ATF1: variants seen among roughly 807,000 people sequenced by gnomAD.
ATF1 encodes the protein activating transcription factor 1, also known as cyclic AMP-dependent transcription factor ATF-1.
A neutral mutation model predicts 34.7 loss-of-function variants in ATF1; 16 were observed. The observed-to-expected ratio is 0.46, with a 90% CI of 0.31 to 0.70. The LOEUF (loss-of-function observed/expected upper bound fraction) is 0.70. Ranked by LOEUF, ATF1 falls within the 30% of genes least tolerant of loss-of-function variation. The pLI, the probability that ATF1 is intolerant of heterozygous loss-of-function variation, is 0.05. For missense variants in ATF1, 255 were observed against 321.6 expected, an observed-to-expected ratio of 0.79 and a Z score of 1.58; for synonymous variants, 105 against 113.1, an observed-to-expected ratio of 0.93 and a Z score of 0.46.
At chr12:50,810,693 C>T (rs777944641) in intron 4 of ATF1, among the ~76,000 whole-genome samples, 62 of 152,140 alleles carry the variant, frequency 4.1e-4, no homozygotes, top group Non-Finnish European at 7.6e-4. Flanking sequence ...TTGTTATCTC[C>T]CCCTCCACTC....
At chr12:50,774,497 A>C (rs1459281538) in intron 1 of ATF1, among the ~76,000 whole-genome samples, 1 of 152,114 alleles carries the variant, frequency 6.6e-6, no homozygotes, top group African/African-American at 2.4e-5. Context: ...TCTCCTGTTA[A>C]GCTTATATAT....
chr12:50,784,336 G>A (rs1036132997), intron 2 of ATF1, among the ~76,000 whole-genome samples: 8 of 152,178 alleles, frequency 5.3e-5, no homozygotes, highest in African/African-American at 1.9e-4. Context: ...GACAAATAAA[G>A]CAGGATAGGA....
chr12:50,770,581 G>A (rs1193719656), intron 1 of ATF1, among the ~76,000 whole-genome samples: 1 of 152,208 alleles, frequency 6.6e-6, no homozygotes, highest in Non-Finnish European at 1.5e-5. Flanking sequence ...AAAAGCCTAT[G>A]TGAAAAATTA....
chr12:50,807,165 A>T (rs1340959106), intron 3 of ATF1, among the ~76,000 whole-genome samples: 2 of 152,152 alleles, frequency 1.3e-5, no homozygotes, highest in Non-Finnish European at 2.9e-5. Flanking sequence ...CCCAACACTT[A>T]AGGAGGCCTA....
At position 50,820,736 on chromosome 12, in the gene ATF1, A is replaced by T. The variant is rs1245386819; in HGVS notation, c.*957A>T. On this transcript the variant is annotated 3_prime_UTR_variant, in exon 7 of 7. Transcript: ENST00000262053. ...CAGATTCTATAATAGTATAGTTATTAAGGCAATTTTATGTTAGAGACTATT... is the reference window on the plus strand; with the variant it reads ...CAGATTCTATAATAGTATAGTTATTTAGGCAATTTTATGTTAGAGACTATT... 5.6e-6 allele frequency: 1 copy of T among 179,360 alleles called. No individual in the cohort carries two copies. Among genetic ancestry groups the T allele is most frequent in the East Asian group, 9.2e-5 (1 of 10,842 alleles). 11.1% of individuals were successfully genotyped at this position (179,360 alleles called of 1,614,324 possible).
chr12:50,778,962 G>A (rs1235013590), intron 1 of ATF1, among the ~76,000 whole-genome samples: 1 of 152,090 alleles, frequency 6.6e-6, no homozygotes, highest in East Asian at 1.9e-4. Context: ...TCTACTTCCT[G>A]TTTCTGTGGA....
chr12:50,814,575 A>G (rs1407298197), intron 6 of ATF1, 136 bp downstream of exon 6: 2 of 993,108 alleles, frequency 2.0e-6, no homozygotes, highest in Non-Finnish European at 2.9e-6. Flanking sequence ...ACATAAATGA[A>G]TGACGGTGGT....
chr12:50,781,490 G>A (rs113413088), intron 2 of ATF1, among the ~76,000 whole-genome samples: 2,327 of 152,138 alleles, frequency 0.015, 60 homozygotes, highest in African/African-American at 0.053. Context: ...TCGCTCTGTC[G>A]CTCAGGCTGG....
chr12:50,785,432 G>C (rs754997081), intron 2 of ATF1, among the ~76,000 whole-genome samples: 1 of 151,692 alleles, frequency 6.6e-6, no homozygotes, highest in Non-Finnish European at 1.5e-5. Flanking sequence ...TCAGGAATTT[G>C]GTTTTTAGGC....
chr12:50,818,041 CT>C (rs1341714976), intron 6 of ATF1, among the ~76,000 whole-genome samples: 1 of 151,746 alleles, frequency 6.6e-6, no homozygotes, highest in Non-Finnish European at 1.5e-5. Context: ...TTTTTCCTTC[CT>C]TTTTTCCCCC....
At chr12:50,802,786 C>T (rs1370567650) in intron 3 of ATF1, among the ~76,000 whole-genome samples, 1 of 137,764 alleles carries the variant, frequency 7.3e-6, no homozygotes, top group Non-Finnish European at 1.5e-5. Flanking sequence ...GCAGAAGATT[C>T]ACTTGAACCC....
intron 2 of ATF1, among the ~76,000 whole-genome samples, chr12:50,785,976 C>G (rs968445153): frequency 1.3e-5 from 2 of 152,182 alleles, no homozygotes; most frequent in Non-Finnish European, 2.9e-5. Context: ...TGGTTAGAAG[C>G]AAGTCACAAG....
In ATF1 at chr12:50,814,114, G is replaced by A; in HGVS notation, c.433G>A (p.Gly145Ser). The A allele has an allele frequency of 6.2e-7, 1 of 1,614,210 alleles. No homozygotes were observed. Among genetic ancestry groups the A allele is most frequent in the Non-Finnish European group, 8.5e-7 (1 of 1,180,046 alleles). ...GACAAATTCAGGCAGTACTCAGCAA[G>A]GTACAACTATTCTTCAGTATGCACA... ...TMTNSGSTQQGTTILQYAQTS... is the reference protein window; with the variant it reads ...TMTNSGSTQQSTTILQYAQTS... Residue 145 changes from glycine (G) to serine (S), a missense_variant, in exon 5 of 7, where the codon GGT becomes AGT. Physicochemically the swap from Gly to Ser is moderately conservative, Grantham distance 56. Around this residue, in one of 2 missense-constraint regions of ATF1, gnomAD observed 221 missense variants for 250.7 expected, o/e 0.88. Transcript: ENST00000262053.
At chr12:50,802,184 ATAAATT>A (rs1941524708) in intron 3 of ATF1, among the ~76,000 whole-genome samples, 1 of 152,244 alleles carries the variant, frequency 6.6e-6, no homozygotes, top group Non-Finnish European at 1.5e-5. Context: ...AATTAAATTT[ATAAATT>A]TAAATTATAC....
At chr12:50,810,015 G>A (rs1941701960) in intron 4 of ATF1, among the ~76,000 whole-genome samples, 1 of 151,416 alleles carries the variant, frequency 6.6e-6, no homozygotes, top group African/African-American at 2.4e-5. Flanking sequence ...TGTATTTTTA[G>A]TAGAGAGGAG....
chr12:50,794,552 G>A (rs774749788), intron 2 of ATF1, among the ~76,000 whole-genome samples: 11 of 150,642 alleles, frequency 7.3e-5, no homozygotes, highest in African/African-American at 2.7e-4. Flanking sequence ...GCGACACAGT[G>A]ATACTCCATC....
chr12:50,791,584 T>C (rs1941303648), intron 2 of ATF1, among the ~76,000 whole-genome samples: 1 of 151,102 alleles, frequency 6.6e-6, no homozygotes, highest in South Asian at 2.1e-4. Flanking sequence ...GGGAAAGCAG[T>C]ATTCTTGGAG....
At chr12:50,774,961 G>A (rs964098687) in intron 1 of ATF1, among the ~76,000 whole-genome samples, 2 of 151,844 alleles carry the variant, frequency 1.3e-5, no homozygotes, top group African/African-American at 4.8e-5. Flanking sequence ...TCACAGAATG[G>A]TGTCGATCTC....
intron 4 of ATF1, among the ~76,000 whole-genome samples, chr12:50,811,626 T>G (rs1200977228): frequency 2.9e-4 from 16 of 54,616 alleles, no homozygotes; most frequent in South Asian, 4.7e-4. Context: ...CACAGAAAAA[T>G]GAAGAAAAAA....
Sources: gnomAD v4.1 joint callset for allele counts (sites outside exome capture counted in the v4.1 genomes callset) on GRCh38, gnomAD v4.1.1 for gene constraint, gnomAD v4.1.1 regional missense constraint, MANE v1.5 for transcripts, NCBI Gene and HGNC (gene_info 2026-07-23, HGNC 2026-07-21) for gene names.